The following LCLAT1 variants were observed in gnomAD, a reference collection of about 807,000 sequenced individuals.
LCLAT1 encodes the protein 1-AGP acyltransferase 8.
A neutral mutation model predicts 30.7 loss-of-function variants in LCLAT1; 11 were observed. The observed-to-expected ratio is 0.36, with a 90% CI of 0.23 to 0.59. The LOEUF is 0.59. LCLAT1 is among the 20% of genes least tolerant of loss of function. The probability of loss-of-function intolerance (pLI) is 0.77; values close to 1 mark genes in which losing one functional copy is unlikely to be tolerated. For synonymous variants in LCLAT1, 155 were observed against 151.3 expected (o/e 1.02, Z -0.18); for missense variants, 402 against 458.6 (o/e 0.88, Z 1.13).
chr2:30,500,392 A>G (rs757710391), intron 1 of LCLAT1, among the ~76,000 whole-genome samples: 1 of 152,170 alleles, frequency 6.6e-6, no homozygotes, highest in African/African-American at 2.4e-5. Context: ...GCTTTACCTC[A>G]TTGCCTAGAT....
chr2:30,475,883 C>G (rs1292366265), intron 1 of LCLAT1, among the ~76,000 whole-genome samples: 1 of 152,192 alleles, frequency 6.6e-6, no homozygotes, highest in Non-Finnish European at 1.5e-5. Flanking sequence ...GTTTCTCTCT[C>G]TATAAGTGTT....
intron 5 of LCLAT1, among the ~76,000 whole-genome samples, chr2:30,572,199 G>A (rs944825435): frequency 2.6e-5 from 4 of 152,032 alleles, no homozygotes; most frequent in African/African-American, 9.7e-5. Context: ...TCCCTCCAGC[G>A]AAAAATCTGA....
chr2:30,607,059 G>A (rs1572689957), intron 5 of LCLAT1: 2 of 152,144 alleles, frequency 1.3e-5, no homozygotes, highest in African/African-American at 4.8e-5. Flanking sequence ...CAGTCCAAAT[G>A]GCAATTATTT....
intron 1 of LCLAT1, chr2:30,459,841 C>T: frequency 1.5e-6 from 1 of 679,246 alleles, no homozygotes. Context: ...TTGACATGTT[C>T]TATGCTTGTT....
chr2:30,489,990 T>A (rs1207092392), intron 1 of LCLAT1, among the ~76,000 whole-genome samples: 1 of 152,214 alleles, frequency 6.6e-6, no homozygotes, highest in Non-Finnish European at 1.5e-5. Flanking sequence ...GTATGTATAC[T>A]CTGCACCAGT....
intron 5 of LCLAT1, among the ~76,000 whole-genome samples, chr2:30,603,782 G>A (rs1386906644): frequency 1.3e-5 from 2 of 152,116 alleles, no homozygotes; most frequent in Non-Finnish European, 1.5e-5. Context: ...GACATGAAGG[G>A]TTCCAGGAAG....
intron 2 of LCLAT1, among the ~76,000 whole-genome samples, chr2:30,528,172 A>T (rs1572575543): frequency 6.6e-6 from 1 of 152,276 alleles, no homozygotes; most frequent in African/African-American, 2.4e-5. Context: ...ACTTTTGCTT[A>T]CTCTATTGGT....
At chr2:30,533,795 C>T (rs829627) in intron 3 of LCLAT1, among the ~76,000 whole-genome samples, 87,703 of 151,624 alleles carry the variant, frequency 0.58, 26,501 homozygotes, top group Non-Finnish European at 0.67. Flanking sequence ...ATGTTTTTAT[C>T]GCGCTTGTAT....
At chr2:30,632,871 A>C (rs1465030406) in intron 5 of LCLAT1, among the ~76,000 whole-genome samples, 3 of 152,242 alleles carry the variant, frequency 2.0e-5, no homozygotes, top group Admixed American at 1.3e-4. Flanking sequence ...CTTATGTAGA[A>C]GGGGAAATTA....
At position 30,519,839 on chromosome 2, in the gene LCLAT1, G is replaced by T. The variant is rs115084705; in HGVS notation, c.-4-5748G>T. 6.9e-3 allele frequency among the ~76,000 whole-genome samples: 1,054 copies of T among 152,210 alleles called. 11 individuals are homozygous for T. Among genetic ancestry groups the T allele is most frequent in the African/African-American group, 0.024 (1,013 of 41,504 alleles). ...AAATCTTGGAACCACACACTCTTCTGGTCCACGTTTGTTACTGTTCGAGCT... is the reference window on the plus strand; with the variant it reads ...AAATCTTGGAACCACACACTCTTCTTGTCCACGTTTGTTACTGTTCGAGCT... On this transcript the variant is annotated intron_variant, in intron 1 of 5. Transcript: ENST00000379509.
At chr2:30,543,820 C>G (rs2148413581) in intron 3 of LCLAT1, among the ~76,000 whole-genome samples, 1 of 152,134 alleles carries the variant, frequency 6.6e-6, no homozygotes, top group South Asian at 2.1e-4. Flanking sequence ...CCCCTCTCCC[C>G]TAAAATAATC....
intron 5 of LCLAT1, among the ~76,000 whole-genome samples, chr2:30,624,202 A>G (rs1207308780): frequency 6.6e-6 from 1 of 152,208 alleles, no homozygotes; most frequent in African/African-American, 2.4e-5. Flanking sequence ...CAATAACACA[A>G]TGAAGAAAAC....
chr2:30,535,128 G>A (rs1468222125), intron 3 of LCLAT1, among the ~76,000 whole-genome samples: 1 of 151,970 alleles, frequency 6.6e-6, no homozygotes, highest in Non-Finnish European at 1.5e-5. Flanking sequence ...GGTTTTTGTA[G>A]GACAATGGCA....
intron 1 of LCLAT1, among the ~76,000 whole-genome samples, chr2:30,503,478 T>C (rs1684497041): frequency 6.6e-6 from 1 of 152,188 alleles, no homozygotes; most frequent in African/African-American, 2.4e-5. Context: ...TGAAAAGTAG[T>C]CCCTTAAATA....
intron 1 of LCLAT1, among the ~76,000 whole-genome samples, chr2:30,502,300 C>G (rs907236813): frequency 2.0e-5 from 3 of 152,106 alleles, no homozygotes; most frequent in Non-Finnish European, 2.9e-5. Context: ...TTCATGACTT[C>G]CAGGGCAGAA....
intron 1 of LCLAT1, among the ~76,000 whole-genome samples, chr2:30,453,781 T>C (rs1023723683): frequency 1.3e-5 from 2 of 152,190 alleles, no homozygotes; most frequent in African/African-American, 4.8e-5. Context: ...AGACCGTAGG[T>C]AGTAATGGTG....
intron 1 of LCLAT1, among the ~76,000 whole-genome samples, chr2:30,480,267 A>G (rs1683253491): frequency 6.6e-6 from 1 of 152,102 alleles, no homozygotes; most frequent in African/African-American, 2.4e-5. Flanking sequence ...GGTGGAGTGC[A>G]GTGGCTCGAT....
At chr2:30,538,331 A>G (rs1406622503) in intron 3 of LCLAT1, among the ~76,000 whole-genome samples, 2 of 152,196 alleles carry the variant, frequency 1.3e-5, no homozygotes, top group Admixed American at 6.5e-5. Context: ...CATTAGTTAG[A>G]CTAAGTAACA....
At chr2:30,625,356 AAG>A (rs1478484375) in intron 5 of LCLAT1, among the ~76,000 whole-genome samples, 1 of 152,172 alleles carries the variant, frequency 6.6e-6, no homozygotes, top group Non-Finnish European at 1.5e-5. Context: ...CCAAAAAATG[AAG>A]AGAGAAGATC....
Sources: allele counts gnomAD v4.1 joint callset (sites outside exome capture counted in the v4.1 genomes callset), GRCh38; gene constraint gnomAD v4.1.1; transcripts MANE v1.5; gene names NCBI Gene and HGNC (gene_info 2026-07-23, HGNC 2026-07-21).